The following PTPRG variants were observed in gnomAD, a reference collection of about 807,000 sequenced individuals.
PTPRG encodes receptor-type tyrosine-protein phosphatase gamma.
PTPRG carries 102 observed loss-of-function variants against 165.3 expected under a neutral mutation model. The ratio of observed to expected loss-of-function variants is 0.62; its 90% CI spans 0.53 to 0.73. The LOEUF is 0.73. Among genes scored for constraint, PTPRG ranks in the 30% least tolerant of loss-of-function variants. The pLI is 0.00. For synonymous variants in PTPRG, 675 were observed against 669.5 expected, an observed-to-expected ratio of 1.01 and a Z score of -0.13; for missense variants, 1,866 against 1,861.4, an observed-to-expected ratio of 1.00 and a Z score of -0.05.
intron 5 of PTPRG, among the ~76,000 whole-genome samples, chr3:62,114,254 G>A (rs1702779160): frequency 6.6e-6 from 1 of 151,952 alleles, no homozygotes; most frequent in African/African-American, 2.4e-5. Flanking sequence ...AGCCAAGATC[G>A]CACCACTACA....
chr3:61,898,039 A>T (rs191524592), intron 2 of PTPRG, among the ~76,000 whole-genome samples: 38 of 151,990 alleles, frequency 2.5e-4, no homozygotes, highest in African/African-American at 8.9e-4. Context: ...GTATGACTTT[A>T]CTTCTCTTTT....
At chr3:61,666,089 C>T (rs1243739908) in intron 1 of PTPRG, among the ~76,000 whole-genome samples, 2 of 151,664 alleles carry the variant, frequency 1.3e-5, no homozygotes, top group African/African-American at 2.4e-5. Flanking sequence ...CTCCAGAATG[C>T]TGGTGACTAT....
At chr3:61,812,937 G>C (rs1439383591) in intron 2 of PTPRG, among the ~76,000 whole-genome samples, 1 of 152,212 alleles carries the variant, frequency 6.6e-6, no homozygotes. Context: ...GGTCTTAAAT[G>C]CCCCCTTGCT....
At chr3:61,707,006 A>G (rs989925191) in intron 1 of PTPRG, among the ~76,000 whole-genome samples, 5 of 152,264 alleles carry the variant, frequency 3.3e-5, no homozygotes, top group African/African-American at 1.2e-4. Context: ...TCATATTATT[A>G]GCCTATTCTT....
chr3:61,873,049 AT>A (rs2107449110), intron 2 of PTPRG, among the ~76,000 whole-genome samples: 1 of 152,272 alleles, frequency 6.6e-6, no homozygotes. Context: ...TTGAAGAGCC[AT>A]TGGGCAGGAG....
chr3:61,661,254 A>C (rs1234734816), intron 1 of PTPRG, among the ~76,000 whole-genome samples: 1 of 152,072 alleles, frequency 6.6e-6, no homozygotes, highest in East Asian at 1.9e-4. Flanking sequence ...ACTTAAAAAA[A>C]ATGGGTGCTT....
At chr3:62,001,801 G>C (rs2041177527) in intron 3 of PTPRG, among the ~76,000 whole-genome samples, 1 of 152,104 alleles carries the variant, frequency 6.6e-6, no homozygotes, top group Non-Finnish European at 1.5e-5. Context: ...TTGGATCATA[G>C]CCTCACCCAT....
intron 2 of PTPRG, among the ~76,000 whole-genome samples, chr3:61,782,041 A>T (rs975153820): frequency 5.3e-5 from 8 of 152,188 alleles, no homozygotes; most frequent in African/African-American, 1.7e-4. Context: ...GCTTCAGCTC[A>T]GCAGGACATG....
At chr3:62,248,101 T>G (rs1701330830) in intron 15 of PTPRG, among the ~76,000 whole-genome samples, 1 of 152,106 alleles carries the variant, frequency 6.6e-6, no homozygotes. Flanking sequence ...TATATGGTGG[T>G]TGAGGTTAAT....
intron 8 of PTPRG, among the ~76,000 whole-genome samples, chr3:62,186,567 C>CCTTTTTTT: frequency 8.5e-6 from 1 of 117,518 alleles, no homozygotes; most frequent in African/African-American, 3.5e-5. Flanking sequence ...TTTTCTTTTC[C>CCTTTTTTT]TTTTTTTTTT....
chr3:62,125,737 T>G (rs1003048971), intron 5 of PTPRG, among the ~76,000 whole-genome samples: 6 of 151,796 alleles, frequency 4.0e-5, no homozygotes, highest in Admixed American at 1.3e-4. Context: ...TGAAACAGTT[T>G]GCAACGTAGC....
At chr3:61,922,725 C>G (rs1292626348) in intron 2 of PTPRG, among the ~76,000 whole-genome samples, 1 of 152,204 alleles carries the variant, frequency 6.6e-6, no homozygotes, top group Non-Finnish European at 1.5e-5. Context: ...ACTGCAGCCT[C>G]GGCTTCCTGG....
At chr3:62,189,510 C>T (rs1005116042) in intron 8 of PTPRG, among the ~76,000 whole-genome samples, 5 of 152,296 alleles carry the variant, frequency 3.3e-5, no homozygotes, top group Middle Eastern at 6.8e-3. Context: ...TCTGCCAGCA[C>T]GCCCGCTTAC....
At chr3:61,835,139 A>G (rs541175879) in intron 2 of PTPRG, among the ~76,000 whole-genome samples, 44 of 152,314 alleles carry the variant, frequency 2.9e-4, no homozygotes, top group Admixed American at 2.8e-3. Context: ...TATGCTGTCC[A>G]GTTTGGTAGT....
chr3:62,032,291 A>G (rs1699794574), intron 4 of PTPRG, among the ~76,000 whole-genome samples: 1 of 152,250 alleles, frequency 6.6e-6, no homozygotes, highest in Non-Finnish European at 1.5e-5. Context: ...TCATGTGGGG[A>G]CAGGGACTGA....
At position 62,293,512 on chromosome 3, in the gene PTPRG, G is replaced by A. The variant is rs984638497; in HGVS notation, c.*205G>A. 2.8e-5 allele frequency: 12 copies of A among 426,260 alleles called. No individual in the cohort carries two copies. The highest frequency in any genetic ancestry group is 1.2e-4 in the African/African-American group (6 of 49,040). 26.4% of individuals were successfully genotyped at this position (426,260 alleles called of 1,614,324 possible). ...CTCTGTTCATTTCACACAGTGAAAC[G>A]CAATTTTACCTAGTTTGCACTATAT... is the stretch of plus-strand genomic sequence containing the variant. On this transcript the variant is annotated 3_prime_UTR_variant, in exon 30 of 30. Coordinates refer to ENST00000474889, the MANE Select transcript of PTPRG (RefSeq NM_002841.4).
rs116017654 is a variant in PTPRG at position 62,227,748 on chromosome 3, C to A, written c.2289-3477C>A. Reference sequence around the variant, plus strand: ...ACAGAGTTCCTGCATTTAAGGGGCTCATACCTGAGAGGAAGAGAGGAGCAG... The same window carrying A: ...ACAGAGTTCCTGCATTTAAGGGGCTAATACCTGAGAGGAAGAGAGGAGCAG... On this transcript the variant is annotated intron_variant, in intron 13 of 29. Transcript: ENST00000474889. 4.9e-3 allele frequency among the ~76,000 whole-genome samples: 745 copies of A among 152,282 alleles called. 6 individuals carry two copies. The highest frequency in any genetic ancestry group is 0.017 in the African/African-American group (716 of 41,554).
At chr3:61,628,748 C>G (rs1217037818) in intron 1 of PTPRG, among the ~76,000 whole-genome samples, 1 of 152,086 alleles carries the variant, frequency 6.6e-6, no homozygotes, top group African/African-American at 2.4e-5. Flanking sequence ...GGGAGGTGAA[C>G]AGCTACCACT....
chr3:61,615,832 G>T (rs757010776), intron 1 of PTPRG, among the ~76,000 whole-genome samples: 16 of 152,158 alleles, frequency 1.1e-4, no homozygotes, highest in Non-Finnish European at 1.9e-4. Flanking sequence ...TTACTGTCTA[G>T]AACAAGAAGT....
Sources: gnomAD v4.1 joint callset for allele counts (sites outside exome capture counted in the v4.1 genomes callset) on GRCh38, gnomAD v4.1.1 for gene constraint, MANE v1.5 for transcripts, NCBI Gene and HGNC (gene_info 2026-07-23, HGNC 2026-07-21) for gene names.